Variants in IGF2R observed in about 807,000 individuals in gnomAD.
IGF2R encodes cation-independent mannose-6-phosphate receptor.
In IGF2R, 91 loss-of-function variants were observed where a neutral mutation model predicts 270.6. The observed-to-expected ratio is 0.34, with a 90% CI of 0.28 to 0.40. The LOEUF is 0.40. Among genes scored for constraint, IGF2R ranks in the 10% least tolerant of loss-of-function variants. The pLI, the probability that IGF2R is intolerant of heterozygous loss-of-function variation, is 1.00. For synonymous variants in IGF2R, 1,316 were observed against 1,258.9 expected, an observed-to-expected ratio of 1.05 and a Z score of -0.96; for missense variants, 2,805 against 3,188.3, an observed-to-expected ratio of 0.88 and a Z score of 2.90.
intron 1 of IGF2R, among the ~76,000 whole-genome samples, chr6:159,983,993 G>A (rs955881333): frequency 1.3e-5 from 2 of 152,186 alleles, no homozygotes; most frequent in Admixed American, 1.3e-4. Flanking sequence ...GGAGTATAGA[G>A]TAGCAGAAGT....
At chr6:160,037,616 G>C (rs557376991) in intron 10 of IGF2R, among the ~76,000 whole-genome samples, 243 of 152,262 alleles carry the variant, frequency 1.6e-3, no homozygotes, top group African/African-American at 5.7e-3. Flanking sequence ...TTTAAATCTA[G>C]TTTGTTGTAA....
In IGF2R at chr6:160,085,150, GGTCCTTGGTTCAA is replaced by G; in HGVS notation, c.6205+21_6205+33del. The G allele has an allele frequency of 6.2e-7, 1 of 1,610,732 alleles. No homozygotes were observed. The highest frequency in any genetic ancestry group is 2.2e-5 in the East Asian group (1 of 44,806). On this transcript the variant is annotated intron_variant, in intron 41 of 47. Transcript: ENST00000356956. ...GTCATAGGTAAGGCCTGTGGGTCCTGGTCCTTGGTTCAAGGAGCAGCATCTGAACCGGGAAGGT... is the reference window on the plus strand; with the variant it reads ...GTCATAGGTAAGGCCTGTGGGTCCTGGGAGCAGCATCTGAACCGGGAAGGT...
Position 160,104,725 on chromosome 6 carries a change from G to C in IGF2R, c.7117G>C (p.Glu2373Gln). The change falls in exon 48 of 48, where the codon GAG (glutamate) becomes CAG (glutamine). Residue 2373 changes from glutamate (E) to glutamine (Q), a missense_variant. Physicochemically the swap from Glu to Gln is conservative, Grantham distance 29. Around this residue, in one of 2 missense-constraint regions of IGF2R, gnomAD observed 1,851 missense variants for 2,207.2 expected, o/e 0.84. Coordinates refer to ENST00000356956, the MANE Select transcript of IGF2R (RefSeq NM_000876.4). Reference sequence around the variant, plus strand: ...GAATGAAACAGAGTGGCTGATGGAAGAGATCCAGCTGCCTCCTCCACGGCA... The same window carrying C: ...GAATGAAACAGAGTGGCTGATGGAACAGATCCAGCTGCCTCCTCCACGGCA... ...DENETEWLME[E>Q]IQLPPPRQGK... is the part of the protein sequence containing the mutation. The C allele has an allele frequency of 1.2e-6, 2 of 1,614,072 alleles. No individual in the cohort carries two copies. The highest frequency in any genetic ancestry group is 1.7e-6 in the Non-Finnish European group (2 of 1,179,998).
chr6:160,106,714 C>T lies in IGF2R; in HGVS notation c.*1630C>T, dbSNP rs1170403721. On this transcript the variant is annotated 3_prime_UTR_variant, in exon 48 of 48. Transcript: ENST00000356956. ...CACTTTCATTTTTCTCCAGAGTCTC[C>T]TGGTCGTAGGTGTTAACTTTGGGTC... 1 of 152,138 alleles carries T rather than the reference C, an allele frequency of 6.6e-6. No individual in the cohort carries two copies. The highest frequency in any genetic ancestry group is 2.4e-5 in the African/African-American group (1 of 41,420). 9.4% of individuals were successfully genotyped at this position (152,138 alleles called of 1,614,324 possible).
intron 45 of IGF2R, among the ~76,000 whole-genome samples, chr6:160,101,860 T>G (rs1395874900): frequency 1.3e-5 from 2 of 152,172 alleles, no homozygotes; most frequent in Non-Finnish European, 2.9e-5. Flanking sequence ...TTCCCACAAG[T>G]GTGCATGTGG....
At chr6:160,058,166 G>A in intron 21 of IGF2R, 42 bp downstream of exon 21, 1 of 1,326,232 alleles carries the variant, frequency 7.5e-7, no homozygotes, top group Non-Finnish European at 1.1e-6. Context: ...TTTGAAACAG[G>A]GGGAGAGTGC....
At chr6:160,087,059 C>T (rs1779111647) in intron 41 of IGF2R, among the ~76,000 whole-genome samples, 1 of 152,176 alleles carries the variant, frequency 6.6e-6, no homozygotes, top group Non-Finnish European at 1.5e-5. Flanking sequence ...CCATGCTGCC[C>T]CAGTGATACC....
intron 32 of IGF2R, 63 bp from the exon 33 acceptor site, chr6:160,072,702 G>T: frequency 6.2e-7 from 1 of 1,600,828 alleles, no homozygotes; most frequent in Non-Finnish European, 8.6e-7. Flanking sequence ...GCTCGCCGAT[G>T]ATGAGCCTCC....
At chr6:159,995,628 A>G (rs968539043) in intron 2 of IGF2R, among the ~76,000 whole-genome samples, 3 of 152,012 alleles carry the variant, frequency 2.0e-5, no homozygotes, top group Non-Finnish European at 2.9e-5. Flanking sequence ...CAAGCTTTCA[A>G]CTGTATTTTG....
chr6:160,041,168 C>A (rs1347396913), intron 11 of IGF2R, among the ~76,000 whole-genome samples: 6 of 152,122 alleles, frequency 3.9e-5, no homozygotes, highest in Admixed American at 3.9e-4. Flanking sequence ...ACAGCACAAC[C>A]CCTGTCCTTG....
chr6:159,993,366 G>A (rs1334487672), intron 2 of IGF2R, among the ~76,000 whole-genome samples: 1 of 152,128 alleles, frequency 6.6e-6, no homozygotes, highest in African/African-American at 2.4e-5. Flanking sequence ...CATAGTTTCA[G>A]ATCTTACATT....
At chr6:159,990,308 G>A (rs1243939416) in intron 1 of IGF2R, among the ~76,000 whole-genome samples, 1 of 152,110 alleles carries the variant, frequency 6.6e-6, no homozygotes, top group Non-Finnish European at 1.5e-5. Flanking sequence ...GGGACCTGGT[G>A]GGAGGCAATT....
chr6:160,084,295 T>C lies in IGF2R; in HGVS notation c.6068+111T>C. 4 of 668,396 alleles carry C rather than the reference T, an allele frequency of 6.0e-6. No individual in the cohort carries two copies. The South Asian group carries it at 7.2e-5, about 12-fold the overall frequency. The allele number at this position is 668,396 out of a possible 1,614,324, so 41.4% of individuals were successfully genotyped here. A position where few individuals can be genotyped will look rare whatever the true frequency, so the allele number is the denominator to read the frequency against. Reference sequence around the variant, plus strand: ...TCTCAAGATGGGAATACTATGCCCATGTGAGGCTGATGGTGGTTGAGTTGT... The same window carrying C: ...TCTCAAGATGGGAATACTATGCCCACGTGAGGCTGATGGTGGTTGAGTTGT... On this transcript the variant is annotated intron_variant, in intron 40 of 47. Transcript: ENST00000356956. This position sits in a 1 kb window ranked among gnomAD's most constrained non-coding sequence, Gnocchi z 4.6.
chr6:159,978,735 C>T lies in IGF2R; in HGVS notation c.149+9340C>T, dbSNP rs115971067. Among the ~76,000 whole-genome samples the T allele has an allele frequency of 5.7e-3, 862 of 152,268 alleles. 12 individuals carry two copies. The highest frequency in any genetic ancestry group is 0.02 in the African/African-American group (824 of 41,544). The stretch of plus-strand genomic sequence containing the variant: ...AGCCTATTTTTGTCTCCGTGTTAGC[C>T]AGGGCAGAGGGGCACTTTCCTGTGA... On this transcript the variant is annotated intron_variant, in intron 1 of 47. Coordinates refer to ENST00000356956, the MANE Select transcript of IGF2R (RefSeq NM_000876.4).
intron 6 of IGF2R, among the ~76,000 whole-genome samples, chr6:160,028,206 T>C (rs570071403): frequency 6.6e-6 from 1 of 152,202 alleles, no homozygotes; most frequent in Non-Finnish European, 1.5e-5. Context: ...TCTCCTTGGC[T>C]CGTTAGATGG....
At chr6:160,090,159 T>G in intron 44 of IGF2R, 56 bp downstream of exon 44, 3 of 1,316,146 alleles carry the variant, frequency 2.3e-6, no homozygotes, top group Non-Finnish European at 3.0e-6. Context: ...GGAAGGGGAT[T>G]AAAATTTTCA....
At chr6:160,038,980 T>C (rs1777883916) in intron 10 of IGF2R, among the ~76,000 whole-genome samples, 2 of 152,218 alleles carry the variant, frequency 1.3e-5, no homozygotes, top group African/African-American at 4.8e-5. Context: ...AAGCAAATTA[T>C]TTAGCCACCC....
At chr6:160,040,765 C>G in intron 11 of IGF2R, 41 bp downstream of exon 11, 7 of 1,566,300 alleles carry the variant, frequency 4.5e-6, no homozygotes, top group Non-Finnish European at 6.1e-6. Flanking sequence ...TCCACATGCT[C>G]ATGGAACATT....
chr6:160,068,261 C>T lies in IGF2R; in HGVS notation c.4128C>T (p.Gly1376=), dbSNP rs778141838. 2 of 1,614,210 alleles carry T rather than the reference C, an allele frequency of 1.2e-6. No homozygotes were observed. The highest frequency in any genetic ancestry group is 4.5e-5 in the East Asian group (2 of 44,894). ...LTECSFKDGA[G]NSFDLSSLSR... Reference sequence around the variant, plus strand: ...TTCTTCTTTTCAGAGATGGGGCTGGCAACTCCTTCGACCTCTCGTCCCTGT... The same window carrying T: ...TTCTTCTTTTCAGAGATGGGGCTGGTAACTCCTTCGACCTCTCGTCCCTGT... The change falls in exon 30 of 48, where the codon GGC becomes GGT. Residue 1376 remains glycine, a synonymous_variant. Coordinates refer to ENST00000356956, the MANE Select transcript of IGF2R (RefSeq NM_000876.4).
Sources: gnomAD v4.1 joint callset for allele counts (sites outside exome capture counted in the v4.1 genomes callset) on GRCh38, gnomAD v4.1.1 for gene constraint, gnomAD v4.1.1 regional missense constraint, Gnocchi (gnomAD v3.1) non-coding constraint, MANE v1.5 for transcripts, NCBI Gene and HGNC (gene_info 2026-07-23, HGNC 2026-07-21) for gene names.